RAP1B: variants seen among roughly 807,000 people sequenced by gnomAD.
RAP1B encodes RAP1B, member of RAS oncogene family, also known as ras-related protein Rap-1b.
A neutral mutation model predicts 27.5 loss-of-function variants in RAP1B; 1 was observed. The ratio of observed to expected loss-of-function variants is 0.04; its 90% confidence interval spans 0.01 to 0.17. The LOEUF (loss-of-function observed/expected upper bound fraction) is 0.17, where lower values mean the gene tolerates loss of function less well. Among genes scored for constraint, RAP1B ranks in the 10% least tolerant of loss-of-function variants. The pLI, the probability that RAP1B is intolerant of heterozygous loss-of-function variation, is 1.00. For missense variants in RAP1B, 84 were observed against 214.8 expected, an observed-to-expected ratio of 0.39 and a Z score of 3.81; for synonymous variants, 75 against 73.1, an observed-to-expected ratio of 1.03 and a Z score of -0.13.
intron 3 of RAP1B, among the ~76,000 whole-genome samples, chr12:68,651,150 A>T (rs564317412): frequency 6.6e-6 from 1 of 152,314 alleles, no homozygotes; most frequent in African/African-American, 2.4e-5. Context: ...CATGGCTCAA[A>T]AACTTTTGGA....
intron 1 of RAP1B, among the ~76,000 whole-genome samples, chr12:68,628,023 T>G (rs1443138637): frequency 6.6e-6 from 1 of 152,138 alleles, no homozygotes; most frequent in African/African-American, 2.4e-5. Context: ...GGTAGATCGC[T>G]TGAGCCCAGG....
rs1044073337 is a variant in RAP1B, at chr12:68,661,001, C to T, written c.*1752C>T. On this transcript the variant is annotated 3_prime_UTR_variant, in exon 8 of 8. Coordinates refer to ENST00000250559, the MANE Select transcript of RAP1B (RefSeq NM_001010942.3). ...AATTGAATTCTGTAAGAACTGAATT[C>T]TTATAGAATTATTTTAAAACTTTTT... 1.3e-5 allele frequency: 2 copies of T among 152,010 alleles called. No individual in the cohort carries two copies. Among genetic ancestry groups the T allele is most frequent in the African/African-American group, 4.8e-5 (2 of 41,388 alleles). 9.4% of individuals were successfully genotyped at this position (152,010 alleles called of 1,614,324 possible).
chr12:68,641,757 A>G (rs1423268538), intron 1 of RAP1B, among the ~76,000 whole-genome samples: 1 of 152,048 alleles, frequency 6.6e-6, no homozygotes, highest in African/African-American at 2.4e-5. Context: ...CATTTGAAAA[A>G]ATCGATGCAT....
At chr12:68,625,299 CAA>C (rs891355230) in intron 1 of RAP1B, among the ~76,000 whole-genome samples, 7 of 151,986 alleles carry the variant, frequency 4.6e-5, no homozygotes, top group African/African-American at 1.2e-4. Flanking sequence ...TGAATAAACT[CAA>C]GAGGGTAGAT....
intron 1 of RAP1B, among the ~76,000 whole-genome samples, chr12:68,640,323 T>C (rs188504095): frequency 4.7e-4 from 72 of 152,240 alleles, no homozygotes; most frequent in Admixed American, 1.5e-3. Context: ...CTTTTTTTTT[T>C]CTCCATACTG....
chr12:68,612,065 G>C (rs764344349), intron 1 of RAP1B, among the ~76,000 whole-genome samples: 2 of 152,184 alleles, frequency 1.3e-5, no homozygotes, highest in African/African-American at 2.4e-5. Context: ...ATGAATAGAA[G>C]CAGTTCTGTG....
intron 1 of RAP1B, among the ~76,000 whole-genome samples, chr12:68,620,748 C>T (rs970564143): frequency 1.1e-4 from 16 of 152,106 alleles, no homozygotes; most frequent in African/African-American, 3.6e-4. Context: ...AGGCGCATGC[C>T]ACCACACCCA....
chr12:68,635,802 G>A (rs1321508383), intron 1 of RAP1B, among the ~76,000 whole-genome samples: 1 of 151,956 alleles, frequency 6.6e-6, no homozygotes, highest in African/African-American at 2.4e-5. Context: ...TTCAAACTGG[G>A]GTTAGGGGGT....
intron 1 of RAP1B, among the ~76,000 whole-genome samples, chr12:68,621,649 T>C (rs1012395627): frequency 2.6e-5 from 4 of 152,160 alleles, no homozygotes; most frequent in Admixed American, 1.3e-4. Flanking sequence ...GAGGTTCTTG[T>C]TAAGTGCAGG....
chr12:68,643,226 T>C (rs1440199913), intron 1 of RAP1B, among the ~76,000 whole-genome samples: 2 of 152,198 alleles, frequency 1.3e-5, no homozygotes, highest in Admixed American at 6.5e-5. Flanking sequence ...TCCTATCCTC[T>C]TTTTGACTTA....
chr12:68,624,371 C>T (rs146503323), intron 1 of RAP1B: 6 of 151,724 alleles, frequency 4.0e-5, no homozygotes, highest in African/African-American at 1.5e-4. Flanking sequence ...TTTTTTTAGT[C>T]TTATAAGGTA....
chr12:68,625,266 T>G (rs1871672403), intron 1 of RAP1B, among the ~76,000 whole-genome samples: 1 of 152,242 alleles, frequency 6.6e-6, no homozygotes, highest in Admixed American at 6.5e-5. Flanking sequence ...GGTCTTTATT[T>G]TATGGAATAT....
chr12:68,618,675 A>G (rs1871187964), intron 1 of RAP1B, among the ~76,000 whole-genome samples: 1 of 152,208 alleles, frequency 6.6e-6, no homozygotes, highest in South Asian at 2.1e-4. Context: ...GCGCTTTAGA[A>G]TAAACCAGGT....
chr12:68,615,523 A>G (rs1191401570), intron 1 of RAP1B, among the ~76,000 whole-genome samples: 1 of 151,836 alleles, frequency 6.6e-6, no homozygotes, highest in Non-Finnish European at 1.5e-5. Flanking sequence ...TGGGAGGCGG[A>G]GGTTGCAGTG....
chr12:68,637,096 A>T (rs546430050), intron 1 of RAP1B, among the ~76,000 whole-genome samples: 2 of 152,126 alleles, frequency 1.3e-5, no homozygotes, highest in Non-Finnish European at 2.9e-5. Flanking sequence ...AAGTCTATAT[A>T]CTTCTGTCAT....
At chr12:68,613,648 C>T (rs1420623970) in intron 1 of RAP1B, among the ~76,000 whole-genome samples, 1 of 152,184 alleles carries the variant, frequency 6.6e-6, no homozygotes, top group Non-Finnish European at 1.5e-5. Context: ...ATGTAAGTAC[C>T]ATGAGGGTAG....
intron 1 of RAP1B, among the ~76,000 whole-genome samples, chr12:68,616,003 G>C (rs1036077474): frequency 4.0e-5 from 6 of 150,154 alleles, no homozygotes; most frequent in Non-Finnish European, 8.9e-5. Flanking sequence ...CCACTCTGTC[G>C]CCCAGGCTGG....
chr12:68,649,347 TTTC>T (rs1241694238), intron 2 of RAP1B: 7 of 152,804 alleles, frequency 4.6e-5, no homozygotes, highest in Non-Finnish European at 1.0e-4. Context: ...TGGCTTGCTC[TTTC>T]TTCTTATGAA....
At chr12:68,613,109 C>G (rs1304825187) in intron 1 of RAP1B, among the ~76,000 whole-genome samples, 1 of 152,042 alleles carries the variant, frequency 6.6e-6, no homozygotes, top group Non-Finnish European at 1.5e-5. Flanking sequence ...AATCCCAGCA[C>G]TTTGGGAGGC....
Sources: allele counts gnomAD v4.1 joint callset (sites outside exome capture counted in the v4.1 genomes callset), GRCh38; gene constraint gnomAD v4.1.1; transcripts MANE v1.5; gene names NCBI Gene and HGNC (gene_info 2026-07-23, HGNC 2026-07-21).